Variants in MACROD2 observed in about 807,000 individuals in gnomAD.
MACROD2 encodes the protein mono-ADP ribosylhydrolase 2.
Under a neutral mutation model 70.4 loss-of-function variants are expected in MACROD2, and 36 were observed. That is an observed-to-expected ratio of 0.51 (90% confidence interval 0.39 to 0.68). MACROD2 has a LOEUF of 0.68. MACROD2 is among the 30% of genes least tolerant of loss of function. MACROD2 has a pLI of 0.00. For missense variants in MACROD2, 496 were observed against 538.4 expected, an observed-to-expected ratio of 0.92 and a Z score of 0.78; for synonymous variants, 172 against 178.8, an observed-to-expected ratio of 0.96 and a Z score of 0.30.
rs569367787 is a variant in MACROD2 at position 15,263,181 on chromosome 20, A to G, written c.540+33120A>G. 2.0e-5 allele frequency among the ~76,000 whole-genome samples: 3 copies of G among 152,024 alleles called. No homozygotes were observed. The South Asian group carries it at 6.2e-4, about 31-fold the overall frequency. The stretch of plus-strand genomic sequence containing the variant: ...GTAGTTTCATAGTTTGAGGTCTCAG[A>G]TTTAAGTCTTTAACTCATTTTGATT... On this transcript the variant is annotated intron_variant, in intron 6 of 17. Coordinates refer to ENST00000684519, the MANE Select transcript of MACROD2 (RefSeq NM_001351661.2).
chr20:14,392,363 A>G (rs907172947), intron 3 of MACROD2, among the ~76,000 whole-genome samples: 1 of 152,056 alleles, frequency 6.6e-6, no homozygotes, highest in African/African-American at 2.4e-5. Flanking sequence ...ATGTGTAAAT[A>G]TATGCAGTTA....
intron 8 of MACROD2, among the ~76,000 whole-genome samples, chr20:15,847,662 G>A (rs950908544): frequency 3.3e-5 from 5 of 152,252 alleles, no homozygotes; most frequent in African/African-American, 1.2e-4. Context: ...TATAATGGGT[G>A]GGACATCTGT....
chr20:15,390,023 G>A (rs2146291929), intron 6 of MACROD2, among the ~76,000 whole-genome samples: 1 of 152,292 alleles, frequency 6.6e-6, no homozygotes, highest in African/African-American at 2.4e-5. Context: ...TGATTCTCAT[G>A]GTAAAGGGGA....
chr20:14,961,963 A>G (rs1011186406), intron 5 of MACROD2, among the ~76,000 whole-genome samples: 2 of 152,022 alleles, frequency 1.3e-5, no homozygotes, highest in Admixed American at 1.3e-4. Flanking sequence ...GAATTTTGCC[A>G]GTTTTTCTAC....
At chr20:15,021,220 A>ACACACCT (rs1568534830) in intron 5 of MACROD2, among the ~76,000 whole-genome samples, 1 of 70,022 alleles carries the variant, frequency 1.4e-5, no homozygotes, top group Non-Finnish European at 3.0e-5. Flanking sequence ...ATACACATAC[A>ACACACCT]GGTGTGCGTA....
Position 15,577,371 on chromosome 20 carries a change from A to C in MACROD2, c.645+77524A>C, listed in dbSNP as rs558618531. On this transcript the variant is annotated intron_variant, in intron 8 of 17. Coordinates refer to ENST00000684519, the MANE Select transcript of MACROD2 (RefSeq NM_001351661.2). ...TTTTCAAACAAATCCAAGACATCGT[A>C]TGATTTCATTCATAATCCCAGTGCG... 1.9e-3 allele frequency among the ~76,000 whole-genome samples: 296 copies of C among 152,270 alleles called. 1 individual carries two copies. Among genetic ancestry groups the C allele is most frequent in the African/African-American group, 6.9e-3 (286 of 41,564 alleles).
At chr20:14,757,604 CT>C in intron 5 of MACROD2, 3 of 1,152,368 alleles carry the variant, frequency 2.6e-6, no homozygotes, top group Admixed American at 1.9e-5. Flanking sequence ...TTTATGACTC[CT>C]TTTTAAGGAG....
intron 5 of MACROD2, among the ~76,000 whole-genome samples, chr20:14,795,834 A>T (rs1391612262): frequency 6.6e-6 from 1 of 152,078 alleles, no homozygotes; most frequent in Non-Finnish European, 1.5e-5. Context: ...TTCAGCAGAG[A>T]GGTCAGAAGG....
At chr20:15,812,300 T>C (rs2063829517) in intron 8 of MACROD2, among the ~76,000 whole-genome samples, 1 of 152,216 alleles carries the variant, frequency 6.6e-6, no homozygotes. Context: ...GAACTGATAT[T>C]TGGGGCTGTC....
intron 5 of MACROD2, among the ~76,000 whole-genome samples, chr20:15,024,394 A>G (rs1406186888): frequency 3.9e-5 from 6 of 152,182 alleles, no homozygotes; most frequent in African/African-American, 1.4e-4. Context: ...AAGAAGAGGA[A>G]GGGGAAGAAG....
intron 6 of MACROD2, among the ~76,000 whole-genome samples, chr20:15,347,977 T>C (rs2078184832): frequency 6.6e-6 from 1 of 152,228 alleles, no homozygotes; most frequent in South Asian, 2.1e-4. Flanking sequence ...CTTGCAAGTA[T>C]GTCAAAGACT....
At chr20:14,577,655 G>T (rs962792012) in intron 4 of MACROD2, among the ~76,000 whole-genome samples, 25 of 151,978 alleles carry the variant, frequency 1.6e-4, no homozygotes, top group Admixed American at 8.5e-4. Flanking sequence ...GGTGGTGTGT[G>T]TCTGTAGTCC....
chr20:15,169,272 T>C (rs1007616043), intron 5 of MACROD2, among the ~76,000 whole-genome samples: 5 of 152,208 alleles, frequency 3.3e-5, no homozygotes, highest in Non-Finnish European at 7.3e-5. Flanking sequence ...TCCCAACTTT[T>C]TTAAGAATAA....
At chr20:15,637,485 C>A (rs2049388302) in intron 8 of MACROD2, among the ~76,000 whole-genome samples, 1 of 152,218 alleles carries the variant, frequency 6.6e-6, no homozygotes, top group East Asian at 1.9e-4. Context: ...ATTTTCAACA[C>A]CATTTGGTCC....
At chr20:14,368,416 G>A (rs2083291680) in intron 3 of MACROD2, among the ~76,000 whole-genome samples, 1 of 152,018 alleles carries the variant, frequency 6.6e-6, no homozygotes, top group South Asian at 2.1e-4. Flanking sequence ...GGTGGCGGGT[G>A]CCTGTAGTCC....
chr20:15,524,810 A>G (rs987383198), intron 8 of MACROD2, among the ~76,000 whole-genome samples: 2 of 152,240 alleles, frequency 1.3e-5, no homozygotes, highest in African/African-American at 2.4e-5. Context: ...TAAAAGTTCA[A>G]TTACCTACTT....
intron 5 of MACROD2, among the ~76,000 whole-genome samples, chr20:15,123,084 G>A (rs990973521): frequency 4.6e-5 from 7 of 152,248 alleles, no homozygotes; most frequent in East Asian, 3.9e-4. Context: ...TTTCAGTAGC[G>A]ATAACTACTT....
intron 5 of MACROD2, among the ~76,000 whole-genome samples, chr20:14,724,483 A>G (rs1600589811): frequency 6.6e-6 from 1 of 152,342 alleles, no homozygotes; most frequent in East Asian, 1.9e-4. Flanking sequence ...GGAAATAAGC[A>G]ACATGAGTAA....
chr20:15,021,592 G>T (rs1418567744), intron 5 of MACROD2: 2 of 151,514 alleles, frequency 1.3e-5, no homozygotes, highest in Non-Finnish European at 2.9e-5. Context: ...TGTCATCCAT[G>T]CACAGGGGCC....
Sources: gnomAD v4.1 joint callset for allele counts (sites outside exome capture counted in the v4.1 genomes callset) on GRCh38, gnomAD v4.1.1 for gene constraint, MANE v1.5 for transcripts, NCBI Gene and HGNC (gene_info 2026-07-23, HGNC 2026-07-21) for gene names.